Variants in PAPLN observed in about 807,000 individuals in gnomAD.
The protein encoded by PAPLN is papilin.
In PAPLN, 146 loss-of-function variants were observed where a neutral mutation model predicts 159.0. The observed-to-expected ratio is 0.92, with a 90% confidence interval of 0.80 to 1.05. PAPLN has a LOEUF of 1.05. Among genes scored for constraint, PAPLN ranks in the 50% least tolerant of loss-of-function variants. The probability of loss-of-function intolerance (pLI) is 0.00; values close to 1 mark genes in which losing one functional copy is unlikely to be tolerated. For synonymous variants in PAPLN, 734 were observed against 702.9 expected (o/e 1.04, Z -0.70); for missense variants, 1,720 against 1,743.9 (o/e 0.99, Z 0.24).
chr14:73,255,454 GTGAC>G (rs1566690045), intron 14 of PAPLN, among the ~76,000 whole-genome samples: 4 of 152,204 alleles, frequency 2.6e-5, no homozygotes, highest in African/African-American at 9.7e-5. Flanking sequence ...GAATGACTGA[GTGAC>G]TGACTGTGTG....
intron 14 of PAPLN, among the ~76,000 whole-genome samples, chr14:73,256,465 G>C (rs368493229): frequency 4.7e-5 from 7 of 149,032 alleles, no homozygotes; most frequent in African/African-American, 1.7e-4. Flanking sequence ...CTGGCAGGCC[G>C]AGGTTGCAGT....
At chr14:73,247,735 C>CGTGT (rs141324043) in intron 5 of PAPLN, among the ~76,000 whole-genome samples, 2 of 71,578 alleles carry the variant, frequency 2.8e-5, no homozygotes, top group Non-Finnish European at 5.1e-5. Flanking sequence ...GTCCTCTGTG[C>CGTGT]GTGTGTGTGT....
intron 6 of PAPLN, 32 bp downstream of exon 6, chr14:73,250,146 G>T (rs144152840): frequency 1.3e-6 from 2 of 1,570,316 alleles, no homozygotes; most frequent in Non-Finnish European, 1.7e-6. Flanking sequence ...CCCTGCCTCC[G>T]GGCTGCCTGG....
chr14:73,251,471 C>T lies in PAPLN; in HGVS notation c.590-15C>T, dbSNP rs753567707. 20 of 1,601,586 alleles carry T rather than the reference C, an allele frequency of 1.2e-5. No homozygotes were observed. The highest frequency in any genetic ancestry group is 2.7e-5 in the African/African-American group (2 of 74,890). ...GATAGCCCAGCACACCCAGCACCTG[C>T]GTCTCTGCCCCCAGGCTACAACCAG... On this transcript the variant is annotated splice_polypyrimidine_tract_variant and intron_variant, in intron 7 of 26. Coordinates refer to ENST00000644200, the MANE Select transcript of PAPLN (RefSeq NM_001365906.3).
chr14:73,244,816 C>T, intron 3 of PAPLN, 57 bp downstream of exon 3: 1 of 1,391,438 alleles, frequency 7.2e-7, no homozygotes, highest in Non-Finnish European at 9.7e-7. Flanking sequence ...ATGCTGCCTT[C>T]TGGGTGGTGG....
chr14:73,245,189 G>T lies in PAPLN; in HGVS notation c.170+430G>T. 1 of 211,368 alleles carries T rather than the reference G, an allele frequency of 4.7e-6. No individual in the cohort carries two copies. The highest frequency in any genetic ancestry group is 9.7e-6 in the Non-Finnish European group (1 of 103,540). 13.1% of individuals were successfully genotyped at this position (211,368 alleles called of 1,614,324 possible). On this transcript the variant is annotated intron_variant, in intron 3 of 26. Transcript: ENST00000644200. The surrounding 1 kb of genome is among the most constrained non-coding windows in gnomAD (Gnocchi z 4.2). ...GGGTCAGTGGAGAAGGTGGGGCACAGAAGGAGTAGTGAGGTGCCTCTGTCC... is the reference window on the plus strand; with the variant it reads ...GGGTCAGTGGAGAAGGTGGGGCACATAAGGAGTAGTGAGGTGCCTCTGTCC...
At position 73,274,545 on chromosome 14, in the gene PAPLN, A is replaced by T. The variant is rs762502333; in HGVS notation, c.*1881A>T. 1 of 152,208 alleles carries T rather than the reference A, an allele frequency of 6.6e-6. No individual in the cohort carries two copies. Among genetic ancestry groups the T allele is most frequent in the Non-Finnish European group, 1.5e-5 (1 of 68,048 alleles). The allele number at this position is 152,208 out of a possible 1,614,324, so 9.4% of individuals were successfully genotyped here. On this transcript the variant is annotated 3_prime_UTR_variant, in exon 27 of 27. Transcript: ENST00000644200. ...AGGTCTTTTTTCATTTAATACTGGA[A>T]AAATATTGAAGAGCATCCATGTTCA... is the stretch of plus-strand genomic sequence containing the variant.
Position 73,245,994 on chromosome 14 carries a change from C to G in PAPLN, c.232-79C>G. 7.2e-7 allele frequency: 1 copy of G among 1,383,132 alleles called. No individual in the cohort carries two copies. Among genetic ancestry groups the G allele is most frequent in the Non-Finnish European group, 9.6e-7 (1 of 1,045,656 alleles). 85.7% of individuals were successfully genotyped at this position (1,383,132 alleles called of 1,614,324 possible). On this transcript the variant is annotated intron_variant, in intron 4 of 26. Transcript: ENST00000644200. The surrounding 1 kb of genome is among the most constrained non-coding windows in gnomAD (Gnocchi z 4.2). ...GCAGGCAAGGGAGACTCCTGGGCTC[C>G]CTGGGCTCGGGCGGGGCGGGAGGTG...
At chr14:73,261,341 C>T (rs745968270) in intron 18 of PAPLN, 47 bp downstream of exon 18, 1 of 1,591,578 alleles carries the variant, frequency 6.3e-7, no homozygotes, top group East Asian at 2.2e-5. Context: ...AGACTCTGCT[C>T]CCACCATGCC....
rs545458736 is a variant in PAPLN at position 73,252,512 on chromosome 14, G to A, written c.968-137G>A. The A allele has an allele frequency of 2.8e-5, 33 of 1,182,404 alleles. No individual in the cohort carries two copies. The South Asian group carries it at 4.8e-4, about 17-fold the overall frequency. The allele number at this position is 1,182,404 out of a possible 1,614,324, so 73.2% of individuals were successfully genotyped here. A position where few individuals can be genotyped will look rare whatever the true frequency, so the allele number is the denominator to read the frequency against. ...CTCATCTGCCAATTGGAGATGTGGTGGCACCTGCCTCGGGGGGGTCATCTA... is the reference window on the plus strand; with the variant it reads ...CTCATCTGCCAATTGGAGATGTGGTAGCACCTGCCTCGGGGGGGTCATCTA... On this transcript the variant is annotated intron_variant, in intron 10 of 26. Coordinates refer to ENST00000644200, the MANE Select transcript of PAPLN (RefSeq NM_001365906.3).
At position 73,257,753 on chromosome 14, in the gene PAPLN, CTTTTTTTTTTTTT is replaced by C. The variant is rs562890068; in HGVS notation, c.1628-1210_1628-1198del. 9.7e-3 allele frequency among the ~76,000 whole-genome samples: 889 copies of C among 91,266 alleles called. 13 individuals carry two copies. The highest frequency in any genetic ancestry group is 0.013 in the Non-Finnish European group (621 of 47,948). 59.9% of individuals were successfully genotyped at this position (91,266 alleles called of 152,430 possible). A position where few individuals can be genotyped will look rare whatever the true frequency, so the allele number is the denominator to read the frequency against. On this transcript the variant is annotated intron_variant, in intron 14 of 26. Coordinates refer to ENST00000644200, the MANE Select transcript of PAPLN (RefSeq NM_001365906.3). ...GTTTTCATTATCTAGTCTCTTTCTT[CTTTTTTTTTTTTT>C]TTTTTTTTTTTTTTTGAGACCTAGT...
In PAPLN at chr14:73,259,012, C is replaced by T; in HGVS notation, c.1661C>T (p.Ala554Val). Residue 554 changes from alanine (A) to valine (V), a missense_variant, in exon 15 of 27, where the codon GCC becomes GTC. By Grantham distance (64) the Ala-to-Val change is moderately conservative (BLOSUM62 0). Coordinates refer to ENST00000644200, the MANE Select transcript of PAPLN (RefSeq NM_001365906.3). ...AGCATGCAGGATGTGCACACCCCTG[C>T]CAGCAACCCCTGGATGCCGTTGGGC... ...VPSMQDVHTPASNPWMPLGPQ... is the reference protein window; with the variant it reads ...VPSMQDVHTPVSNPWMPLGPQ... The T allele has an allele frequency of 6.2e-7, 1 of 1,612,780 alleles. No individual in the cohort carries two copies.
rs1165162414 is a variant in PAPLN at position 73,254,896 on chromosome 14, C to A, written c.1505C>A (p.Ser502Ter). 2 of 1,612,354 alleles carry A rather than the reference C, an allele frequency of 1.2e-6. No homozygotes were observed. Among genetic ancestry groups the A allele is most frequent in the Admixed American group, 1.7e-5 (1 of 60,004 alleles). Residue 502 changes from serine to a stop codon, truncating the protein, a stop_gained, in exon 14 of 27, where the codon TCG (serine) becomes TAG (stop). Transcript: ENST00000644200. LOFTEE classifies it high-confidence loss of function. ...CCTCAGTGCTCCAAGAGCTGCAGCT[C>A]GGGCACTCGGAGGCGACAGGTCATC... ...TWGLCSKSCS[S>*]GTRRRQVICA...
In PAPLN at chr14:73,272,477, T is replaced by G. The variant is rs1211019955; in HGVS notation, c.3668-18T>G. 2 of 1,496,302 alleles carry G rather than the reference T, an allele frequency of 1.3e-6. No individual in the cohort carries two copies. The highest frequency in any genetic ancestry group is 2.8e-5 in the African/African-American group (2 of 72,006). The allele number at this position is 1,496,302 out of a possible 1,614,324, so 92.7% of individuals were successfully genotyped here. The stretch of plus-strand genomic sequence containing the variant: ...CAGAGCTTCCTCACCACCTTCTCTC[T>G]CCCCTGTCGTTCTGCAGCACCCACC... On this transcript the variant is annotated intron_variant, in intron 26 of 26. Coordinates refer to ENST00000644200, the MANE Select transcript of PAPLN (RefSeq NM_001365906.3).
At chr14:73,250,677 G>A (rs115013996) in intron 6 of PAPLN, among the ~76,000 whole-genome samples, 1,729 of 152,248 alleles carry the variant, frequency 0.011, 32 homozygotes, top group African/African-American at 0.04. Flanking sequence ...CGGGAGAGAG[G>A]TGGCCCCTCA....
rs146493202 is a variant in PAPLN, at chr14:73,245,507, G to A, written c.171-129G>A. 39 of 1,017,818 alleles carry A rather than the reference G, an allele frequency of 3.8e-5. No homozygotes were observed. Among genetic ancestry groups the A allele is most frequent in the African/African-American group, 3.6e-4 (22 of 61,944 alleles). The allele number at this position is 1,017,818 out of a possible 1,614,324, so 63.0% of individuals were successfully genotyped here. On this transcript the variant is annotated intron_variant, in intron 3 of 26. Coordinates refer to ENST00000644200, the MANE Select transcript of PAPLN (RefSeq NM_001365906.3). This position sits in a 1 kb window ranked among gnomAD's most constrained non-coding sequence, Gnocchi z 4.2. ...CCTGGGGGATTTACGGGGTGGGGTC[G>A]GGGGACACCCTCTCACCTTGCTGCT...
intron 5 of PAPLN, among the ~76,000 whole-genome samples, chr14:73,248,110 C>CGCGCGA (rs1555361154): frequency 3.2e-5 from 1 of 31,092 alleles, no homozygotes; most frequent in Non-Finnish European, 5.3e-5. Flanking sequence ...TGTGTGTGCG[C>CGCGCGA]GTGTGTGTGT....
At chr14:73,272,317 A>G in intron 26 of PAPLN, 178 bp from the exon 27 acceptor site, 2 of 485,904 alleles carry the variant, frequency 4.1e-6, no homozygotes, top group Non-Finnish European at 6.9e-6. Flanking sequence ...ACAGGTAGAA[A>G]TCATCATCCC....
chr14:73,253,126 G>A (rs1457042228), intron 11 of PAPLN: 1 of 1,393,982 alleles, frequency 7.2e-7, no homozygotes, highest in East Asian at 4.0e-5. Flanking sequence ...CAAAGGGCCT[G>A]TTGGCATCGG....
Sources: allele counts gnomAD v4.1 joint callset (sites outside exome capture counted in the v4.1 genomes callset), GRCh38; gene constraint gnomAD v4.1.1; non-coding constraint Gnocchi (gnomAD v3.1); transcripts MANE v1.5; gene names NCBI Gene and HGNC (gene_info 2026-07-23, HGNC 2026-07-21).